The following DIAPH2 variants were observed in gnomAD, a reference collection of about 807,000 sequenced individuals.
DIAPH2 encodes diaphanous related formin 2.
In DIAPH2, 35 loss-of-function variants were observed where a neutral mutation model predicts 92.7. The observed-to-expected ratio is 0.38, with a 90% CI of 0.29 to 0.50. The LOEUF (loss-of-function observed/expected upper bound fraction) is 0.50. Among genes scored for constraint, DIAPH2 ranks in the 20% least tolerant of loss-of-function variants. The pLI, the probability that DIAPH2 is intolerant of heterozygous loss-of-function variation, is 0.94. For synonymous variants in DIAPH2, 301 were observed against 280.4 expected (o/e 1.07, Z -0.73); for missense variants, 701 against 819.5 (o/e 0.86, Z 1.77).
intron 4 of DIAPH2, among the ~76,000 whole-genome samples, chrX:96,866,314 C>A (rs1332577462): frequency 9.0e-6 from 1 of 111,718 alleles, no homozygotes; most frequent in Non-Finnish European, 1.9e-5. Context: ...TACTTGCCTG[C>A]AACATGCCCC....
chrX:96,698,141 T>C (rs1164729782), intron 1 of DIAPH2, among the ~76,000 whole-genome samples: 1 of 112,099 alleles, frequency 8.9e-6, no homozygotes, highest in Admixed American at 9.5e-5. Context: ...ATGATTTTCT[T>C]GTTGTTTGTA....
At chrX:97,476,999 A>T in intron 26 of DIAPH2, among the ~76,000 whole-genome samples, 1 of 93,573 alleles carries the variant, frequency 1.1e-5, no homozygotes, top group Non-Finnish European at 2.1e-5. Flanking sequence ...ACACACACAC[A>T]CACACACACA....
chrX:97,011,719 C>T (rs1409291173), intron 17 of DIAPH2, among the ~76,000 whole-genome samples: 2 of 108,158 alleles, frequency 1.8e-5, no homozygotes, highest in African/African-American at 6.8e-5. Flanking sequence ...GGTGAAACCC[C>T]ATCTCTACTA....
chrX:97,165,298 G>C lies in DIAPH2; in HGVS notation c.2719+23504G>C, dbSNP rs1040353837. 3.6e-5 allele frequency among the ~76,000 whole-genome samples: 4 copies of C among 111,606 alleles called. No individual in the cohort carries two copies. In the East Asian group the frequency reaches 1.1e-3, roughly 31 times the overall value. On this transcript the variant is annotated intron_variant, in intron 22 of 26. Transcript: ENST00000324765. ...CCATTTAGGTGGGGACCTAAAGGCT[G>C]AGTAAGAGGTTGAAGTATTTTCTGT...
At chrX:97,258,433 GCGCGTGGCACGCGCC>G (rs1230913407) in intron 23 of DIAPH2, among the ~76,000 whole-genome samples, 1 of 110,373 alleles carries the variant, frequency 9.1e-6, no homozygotes, top group Non-Finnish European at 1.9e-5. Flanking sequence ...AATTAGCCAG[GCGCGTGGCACGCGCC>G]TGTAGTCCCA....
intron 21 of DIAPH2, among the ~76,000 whole-genome samples, chrX:97,135,138 A>T (rs1488699791): frequency 8.9e-6 from 1 of 111,869 alleles, no homozygotes; most frequent in Non-Finnish European, 1.9e-5. Flanking sequence ...AAGTGCTATA[A>T]CTAGAGTATA....
chrX:97,550,471 C>T (rs746128129), intron 26 of DIAPH2, among the ~76,000 whole-genome samples: 22 of 112,324 alleles, frequency 2.0e-4, no homozygotes, highest in Middle Eastern at 9.2e-3. Flanking sequence ...CACTATTTCT[C>T]TCATGGGCTC....
chrX:97,072,058 A>C (rs2066673158), intron 17 of DIAPH2, among the ~76,000 whole-genome samples: 1 of 111,953 alleles, frequency 8.9e-6, no homozygotes, highest in African/African-American at 3.2e-5. Flanking sequence ...ATATTGGAAA[A>C]GGTAAACTGC....
rs1314869113 is a variant in DIAPH2 at position 97,564,937 on chromosome X, A to G, written c.3242-34316A>G. On this transcript the variant is annotated intron_variant, in intron 26 of 26. Transcript: ENST00000324765. ...GACTCCCACCAAAAATAGAATCACA[A>G]GGCTAAATTGATCATGAATTTGGTA... 1.8e-4 allele frequency among the ~76,000 whole-genome samples: 20 copies of G among 112,256 alleles called. 1 individual carries two copies. In the Admixed American group the frequency reaches 1.9e-3, roughly 11 times the overall value.
At position 96,809,278 on chromosome X, in the gene DIAPH2, A is replaced by C. The variant is rs183050652; in HGVS notation, c.447+51020A>C. ...ATCTCCCTATTTCAAAGTACAAATA[A>C]ATCAATATGTTTGCAGATCCCAGCT... On this transcript the variant is annotated intron_variant, in intron 4 of 26. Transcript: ENST00000324765. Among the ~76,000 whole-genome samples, 81 of 109,429 alleles carry C rather than the reference A, an allele frequency of 7.4e-4. 1 individual carries two copies. The highest frequency in any genetic ancestry group is 2.6e-3 in the African/African-American group (79 of 30,205).
At chrX:96,882,257 G>T (rs951045452) in intron 5 of DIAPH2, among the ~76,000 whole-genome samples, 4 of 109,781 alleles carry the variant, frequency 3.6e-5, no homozygotes, top group African/African-American at 1.3e-4. Flanking sequence ...CACCATATTG[G>T]CCAGGCTGGT....
At chrX:97,259,125 G>A (rs1053239497) in intron 23 of DIAPH2, among the ~76,000 whole-genome samples, 1 of 109,188 alleles carries the variant, frequency 9.2e-6, no homozygotes, top group Non-Finnish European at 1.9e-5. Context: ...ATGGTGGCAC[G>A]TGCCACCATG....
chrX:97,101,991 T>G (rs1484483766), intron 20 of DIAPH2, among the ~76,000 whole-genome samples: 1 of 112,286 alleles, frequency 8.9e-6, no homozygotes, highest in African/African-American at 3.2e-5. Context: ...CTGGAAAGGC[T>G]CATTGCCTCT....
At chrX:97,590,622 T>C (rs965656489) in intron 26 of DIAPH2, among the ~76,000 whole-genome samples, 20 of 112,269 alleles carry the variant, frequency 1.8e-4, no homozygotes, top group South Asian at 1.1e-3. Context: ...TAGTAATGAA[T>C]TGACCTTGTA....
chrX:96,736,738 A>G (rs2064090643), intron 2 of DIAPH2, among the ~76,000 whole-genome samples: 1 of 112,320 alleles, frequency 8.9e-6, no homozygotes, highest in African/African-American at 3.2e-5. Context: ...GCTGAAATCA[A>G]AAGCTAATTT....
rs139267026 is a variant in DIAPH2 at position 97,187,659 on chromosome X, G to A, written c.2719+45865G>A. ...AATGTGATTGAATTATAGACAGTTC[G>A]CTGGTAAAAATAGGCAAATGATAAA... is the stretch of plus-strand genomic sequence containing the variant. On this transcript the variant is annotated intron_variant, in intron 22 of 26. Transcript: ENST00000324765. Among the ~76,000 whole-genome samples the A allele has an allele frequency of 9.5e-4, 105 of 110,365 alleles. 1 individual carries two copies. The East Asian group carries it at 0.019, about 20-fold the overall frequency.
At chrX:97,566,809 G>T (rs1320253049) in intron 26 of DIAPH2, among the ~76,000 whole-genome samples, 4 of 111,554 alleles carry the variant, frequency 3.6e-5, no homozygotes, top group Non-Finnish European at 7.5e-5. Context: ...CAATTTCAAG[G>T]TGGTGCCGTT....
intron 24 of DIAPH2, among the ~76,000 whole-genome samples, chrX:97,358,317 T>G (rs918977730): frequency 7.2e-5 from 8 of 111,494 alleles, no homozygotes; most frequent in Admixed American, 6.7e-4. Context: ...CTAGAGACAT[T>G]TTTGTTTATC....
chrX:97,183,827 C>CA (rs200480181), intron 22 of DIAPH2, among the ~76,000 whole-genome samples: 276 of 111,629 alleles, frequency 2.5e-3, no homozygotes, highest in African/African-American at 8.5e-3. Flanking sequence ...GCATGAACAA[C>CA]AAAAAAATGA....
Sources: allele counts gnomAD v4.1 joint callset (sites outside exome capture counted in the v4.1 genomes callset), GRCh38; gene constraint gnomAD v4.1.1; transcripts MANE v1.5; gene names NCBI Gene and HGNC (gene_info 2026-07-23, HGNC 2026-07-21).